TMEM234: variants seen among roughly 807,000 people sequenced by gnomAD.
TMEM234 encodes transmembrane protein 234, also known as chromosome 1 open reading frame 91.
A neutral mutation model predicts 17.8 loss-of-function variants in TMEM234; 21 were observed. The ratio of observed to expected loss-of-function variants is 1.18; its 90% CI spans 0.84 to 1.70. The LOEUF (loss-of-function observed/expected upper bound fraction) is 1.70, where lower values mean the gene tolerates loss of function less well. Ranked by LOEUF, TMEM234 falls within the 40% of genes most tolerant of loss-of-function variation. The pLI, the probability that TMEM234 is intolerant of heterozygous loss-of-function variation, is 0.00. For missense variants in TMEM234, 137 were observed against 166.9 expected, an observed-to-expected ratio of 0.82 and a Z score of 0.99; for synonymous variants, 83 against 73.5, an observed-to-expected ratio of 1.13 and a Z score of -0.66.
downstream of TMEM234, chr1:32,215,092 G>A: frequency 1.9e-6 from 2 of 1,059,118 alleles, no homozygotes; most frequent in Non-Finnish European, 2.6e-6. Flanking sequence ...AACCTACTGT[G>A]GCTCAGGAGA....
chr1:32,216,163 G>A, downstream of TMEM234: 1 of 746,358 alleles, frequency 1.3e-6, no homozygotes, highest in Non-Finnish European at 2.1e-6. Context: ...CCTGGGAGAG[G>A]GTTTGTCACA....
chr1:32,215,799 C>G (rs1638334102), downstream of TMEM234: 3 of 1,549,938 alleles, frequency 1.9e-6, no homozygotes, highest in African/African-American at 4.1e-5. Flanking sequence ...CCACCTCCTG[C>G]AGAGGGCAGC....
chr1:32,222,050 C>G (rs776008494), intron 1 of TMEM234, 32 bp from the exon 2 acceptor site: 2 of 1,573,988 alleles, frequency 1.3e-6, no homozygotes, highest in Non-Finnish European at 1.7e-6. Flanking sequence ...ACCCTGACCC[C>G]CACCCCAAAC....
intron 1 of TMEM234, 123 bp from the exon 2 acceptor site, chr1:32,222,141 C>T: frequency 2.7e-6 from 4 of 1,505,734 alleles, no homozygotes; most frequent in Non-Finnish European, 3.6e-6. Context: ...TTCGCCTCGG[C>T]TGCGACTGGC....
At chr1:32,216,048 T>C (rs1388053863), downstream of TMEM234, 3 of 754,968 alleles carry the variant, frequency 4.0e-6, no homozygotes, top group Non-Finnish European at 6.5e-6. Flanking sequence ...CTCCTGCTCC[T>C]AAACCCACAG....
chr1:32,218,303 G>A (rs780696696), intron 3 of TMEM234, among the ~76,000 whole-genome samples: 88 of 151,958 alleles, frequency 5.8e-4, no homozygotes, highest in Non-Finnish European at 7.7e-4. Flanking sequence ...GCGGACGCCT[G>A]TAATCCCAGC....
At chr1:32,218,261 C>G (rs1374254837) in intron 3 of TMEM234, among the ~76,000 whole-genome samples, 3 of 151,384 alleles carry the variant, frequency 2.0e-5, no homozygotes, top group Non-Finnish European at 2.9e-5. Context: ...CCCGTCTCTA[C>G]TAAAAATACC....
chr1:32,215,394 G>C (rs1210695067), downstream of TMEM234: 2 of 1,514,902 alleles, frequency 1.3e-6, no homozygotes, highest in Non-Finnish European at 1.8e-6. Context: ...GGAATGCTGA[G>C]GGCTCTTCAG....
At chr1:32,216,199 G>T, downstream of TMEM234, 1 of 908,582 alleles carries the variant, frequency 1.1e-6, no homozygotes, top group Non-Finnish European at 1.6e-6. Context: ...CTAACCTCTT[G>T]TCTGTTTACC....
intron 3 of TMEM234, 145 bp from the exon 4 acceptor site, chr1:32,217,496 C>G: frequency 6.6e-7 from 1 of 1,521,578 alleles, no homozygotes; most frequent in Non-Finnish European, 8.8e-7. Flanking sequence ...TCTCAGGACT[C>G]AAACCCACAT....
chr1:32,222,222 C>T lies in TMEM234; in HGVS notation c.16+85G>A, dbSNP rs554312196. 9 of 1,513,312 alleles carry T rather than the reference C, an allele frequency of 5.9e-6. No homozygotes were observed. The African/African-American group carries it at 1.1e-4, about 19-fold the overall frequency. 93.7% of individuals were successfully genotyped at this position (1,513,312 alleles called of 1,614,324 possible). ...CGGCCTCTGGGGTTGTAGCAGGGGTCGGGGTTAGAGGGTGGATGTGGAGCA... is the reference window on the plus strand; with the variant it reads ...CGGCCTCTGGGGTTGTAGCAGGGGTTGGGGTTAGAGGGTGGATGTGGAGCA... On this transcript the variant is annotated intron_variant, in intron 1 of 4. Transcript: ENST00000309777.
chr1:32,217,115 A>G (rs1305960125), intron 4 of TMEM234, 144 bp downstream of exon 4: 2 of 1,570,876 alleles, frequency 1.3e-6, no homozygotes, highest in East Asian at 2.4e-5. Flanking sequence ...GCCACAAGGA[A>G]GCAAAACAGC....
chr1:32,215,066 A>G, downstream of TMEM234: 1 of 1,311,866 alleles, frequency 7.6e-7, no homozygotes. Flanking sequence ...AAAAAAAAAA[A>G]AGATAAAGGA....
At chr1:32,215,954 T>C (rs1296566238), downstream of TMEM234, 2 of 1,407,692 alleles carry the variant, frequency 1.4e-6, no homozygotes, top group Non-Finnish European at 2.0e-6. Flanking sequence ...CTTTTGTCCT[T>C]AGCCTCCAGC....
chr1:32,222,183 T>C, intron 1 of TMEM234, 124 bp downstream of exon 1: 3 of 1,501,250 alleles, frequency 2.0e-6, no homozygotes, highest in Non-Finnish European at 2.7e-6. Flanking sequence ...GCTAGGGAGA[T>C]GAATCCAGGA....
intron 3 of TMEM234, among the ~76,000 whole-genome samples, chr1:32,219,073 T>C (rs1248359091): frequency 3.3e-5 from 5 of 149,828 alleles, no homozygotes; most frequent in African/African-American, 7.4e-5. Flanking sequence ...GATCGCACCA[T>C]TGCACTCCAG....
At chr1:32,221,758 GA>G in intron 2 of TMEM234, 108 bp downstream of exon 2, 1 of 1,466,012 alleles carries the variant, frequency 6.8e-7, no homozygotes, top group Non-Finnish European at 9.2e-7. Context: ...TGACTTTTCC[GA>G]GAATTTCTAG....
rs757046782 is a variant in TMEM234 at position 32,216,369 on chromosome 1, G to A, written c.*484C>T. ...AATAGACAGCTCATTTCCTGCATCT[G>A]CCACTCCGACGCACCTTCTTCCCTC... On this transcript the variant is annotated 3_prime_UTR_variant, in exon 5 of 5. Transcript: ENST00000309777. 13 of 1,550,054 alleles carry A rather than the reference G, an allele frequency of 8.4e-6. No homozygotes were observed. Among genetic ancestry groups the A allele is most frequent in the Non-Finnish European group, 1.0e-5 (12 of 1,146,260 alleles).
downstream of TMEM234, chr1:32,215,892 T>C (rs1638344228): frequency 6.4e-6 from 10 of 1,550,762 alleles, no homozygotes; most frequent in South Asian, 1.2e-5. Flanking sequence ...AGCTCTGCCA[T>C]CTTGAGAGCC....
Sources: gnomAD v4.1 joint callset for allele counts (sites outside exome capture counted in the v4.1 genomes callset) on GRCh38, gnomAD v4.1.1 for gene constraint, MANE v1.5 for transcripts, NCBI Gene and HGNC (gene_info 2026-07-23, HGNC 2026-07-21) for gene names.